The following DYNC1I1 variants were observed in gnomAD, a reference collection of about 807,000 sequenced individuals.
DYNC1I1 encodes the protein cytoplasmic dynein 1 intermediate chain 1.
A neutral mutation model predicts 86.6 loss-of-function variants in DYNC1I1; 43 were observed. The ratio of observed to expected loss-of-function variants is 0.50; its 90% confidence interval spans 0.39 to 0.64. The LOEUF (loss-of-function observed/expected upper bound fraction) is 0.64, where lower values mean the gene tolerates loss of function less well. Ranked by LOEUF, DYNC1I1 falls within the 30% of genes least tolerant of loss-of-function variation. The probability of loss-of-function intolerance (pLI) is 0.00; values close to 1 mark genes in which losing one functional copy is unlikely to be tolerated. For synonymous variants in DYNC1I1, 262 were observed against 283.7 expected, an observed-to-expected ratio of 0.92 and a Z score of 0.77; for missense variants, 604 against 788.8, an observed-to-expected ratio of 0.77 and a Z score of 2.81.
intron 1 of DYNC1I1, among the ~76,000 whole-genome samples, chr7:95,776,142 G>A (rs551245851): frequency 6.6e-5 from 10 of 152,230 alleles, no homozygotes; most frequent in South Asian, 2.1e-4. Flanking sequence ...GCAGTGAGAC[G>A]AGATTGCACC....
chr7:95,815,112 C>T (rs946696960), intron 4 of DYNC1I1, among the ~76,000 whole-genome samples: 1 of 152,084 alleles, frequency 6.6e-6, no homozygotes, highest in Admixed American at 6.6e-5. Flanking sequence ...TTACTGACTT[C>T]ACAGTTGAGG....
intron 6 of DYNC1I1, among the ~76,000 whole-genome samples, chr7:95,912,909 T>C (rs1791375872): frequency 6.6e-6 from 1 of 152,062 alleles, no homozygotes; most frequent in Non-Finnish European, 1.5e-5. Flanking sequence ...AGTGGATTGG[T>C]TTCATGCATC....
chr7:95,891,432 A>C (rs1276493431), intron 6 of DYNC1I1, among the ~76,000 whole-genome samples: 2 of 152,092 alleles, frequency 1.3e-5, no homozygotes, highest in Non-Finnish European at 2.9e-5. Context: ...AGTAAAATGC[A>C]CTCTTAACCT....
At chr7:95,992,343 A>T (rs1285055791) in intron 9 of DYNC1I1, among the ~76,000 whole-genome samples, 1 of 152,162 alleles carries the variant, frequency 6.6e-6, no homozygotes, top group Non-Finnish European at 1.5e-5. Context: ...ATGGTGCCTT[A>T]CATATTTATA....
At chr7:95,957,648 C>G (rs1283779753) in intron 6 of DYNC1I1, among the ~76,000 whole-genome samples, 1 of 152,154 alleles carries the variant, frequency 6.6e-6, no homozygotes, top group Non-Finnish European at 1.5e-5. Flanking sequence ...CTGGAGATGT[C>G]AGGATTGGGG....
intron 14 of DYNC1I1, among the ~76,000 whole-genome samples, chr7:96,059,837 G>GCAA (rs201922832): frequency 4.0e-4 from 61 of 152,206 alleles, no homozygotes; most frequent in African/African-American, 1.3e-3. Flanking sequence ...CTTCATGCCT[G>GCAA]CAACAACAAC....
intron 2 of DYNC1I1, among the ~76,000 whole-genome samples, chr7:95,809,939 CATAA>C (rs1794790182): frequency 6.6e-6 from 1 of 152,100 alleles, no homozygotes; most frequent in Non-Finnish European, 1.5e-5. Flanking sequence ...TAAAAATTTT[CATAA>C]ATAGTTTCAC....
At chr7:95,861,301 T>G (rs896281504) in intron 5 of DYNC1I1, among the ~76,000 whole-genome samples, 2 of 152,214 alleles carry the variant, frequency 1.3e-5, no homozygotes, top group African/African-American at 4.8e-5. Context: ...ATCTCAAGAA[T>G]TTCTTCAATT....
At chr7:95,788,645 C>T (rs1424430955) in intron 1 of DYNC1I1, among the ~76,000 whole-genome samples, 1 of 152,124 alleles carries the variant, frequency 6.6e-6, no homozygotes, top group Non-Finnish European at 1.5e-5. Context: ...AAAACTTCAT[C>T]CCCGTTTTTG....
At chr7:96,104,201 G>T (rs914780091) in intron 16 of DYNC1I1, among the ~76,000 whole-genome samples, 2 of 151,970 alleles carry the variant, frequency 1.3e-5, no homozygotes, top group Admixed American at 6.6e-5. Flanking sequence ...TAATTTAGAA[G>T]AGTTTTCTTT....
intron 4 of DYNC1I1, among the ~76,000 whole-genome samples, chr7:95,818,322 T>A (rs1294682187): frequency 1.3e-5 from 2 of 149,426 alleles, no homozygotes. Context: ...TTTTTTTTTT[T>A]AAAGACAAAG....
Position 95,977,547 on chromosome 7 carries a change from G to A in DYNC1I1, c.526G>A (p.Val176Ile), listed in dbSNP as rs1562961395. ...AGATGAGGAAATGGTGGAATCTAAAGTTGGCCAGGACTCAGAACTGGAAAA... is the reference window on the plus strand; with the variant it reads ...AGATGAGGAAATGGTGGAATCTAAAATTGGCCAGGACTCAGAACTGGAAAA... ...EEDEEMVESK[V>I]GQDSELENQD... Residue 176 changes from valine to isoleucine, a missense_variant, in exon 7 of 17, where the codon GTT becomes ATT. Val to Ile is a conservative substitution (Grantham distance 29). Coordinates refer to ENST00000447467, the MANE Select transcript of DYNC1I1 (RefSeq NM_001135556.2). The A allele has an allele frequency of 1.2e-6, 2 of 1,613,408 alleles. No homozygotes were observed. Among genetic ancestry groups the A allele is most frequent in the East Asian group, 2.2e-5 (1 of 44,836 alleles).
Position 95,890,068 on chromosome 7 carries a change from A to C in DYNC1I1, c.490+20070A>C, listed in dbSNP as rs562179369. ...TGAAATAGCGAAAAACAGAACTACC[A>C]TTCAATCCCCTTACTGATATATCTG... On this transcript the variant is annotated intron_variant, in intron 6 of 16. Coordinates refer to ENST00000447467, the MANE Select transcript of DYNC1I1 (RefSeq NM_001135556.2). Among the ~76,000 whole-genome samples the C allele has an allele frequency of 1.9e-4, 29 of 152,294 alleles. 1 individual carries two copies. In the South Asian group the frequency reaches 6.0e-3, roughly 32 times the overall value.
intron 10 of DYNC1I1, 76 bp from the exon 11 acceptor site, chr7:96,028,099 C>A: frequency 6.5e-7 from 1 of 1,547,640 alleles, no homozygotes; most frequent in South Asian, 1.2e-5. Flanking sequence ...ATGTGATGAA[C>A]TGTTTTCAGG....
At position 95,839,934 on chromosome 7, in the gene DYNC1I1, C is replaced by T. The variant is rs986878466; in HGVS notation, c.374+11818C>T. On this transcript the variant is annotated intron_variant, in intron 5 of 16. Transcript: ENST00000447467. Reference sequence around the variant, plus strand: ...GCCTGCATGATTTCTATTGAAAAATCGGCTTATAGTCTTATGAGGGTTCTC... The same window carrying T: ...GCCTGCATGATTTCTATTGAAAAATTGGCTTATAGTCTTATGAGGGTTCTC... Among the ~76,000 whole-genome samples, 6 of 152,118 alleles carry T rather than the reference C, an allele frequency of 3.9e-5. No homozygotes were observed. In the South Asian group the frequency reaches 6.2e-4, roughly 16 times the overall value.
rs1027323603 is a variant in DYNC1I1 at position 95,800,249 on chromosome 7, G to A, written c.-9-4472G>A. 5.9e-5 allele frequency among the ~76,000 whole-genome samples: 9 copies of A among 151,952 alleles called. No homozygotes were observed. The South Asian group carries it at 1.7e-3, about 28-fold the overall frequency. ...AATGTAGCAGGCTCTAGGGATTTGT[G>A]TATGGAGTCTAGGGTAAATGTAGTA... On this transcript the variant is annotated intron_variant, in intron 1 of 16. Transcript: ENST00000447467.
chr7:95,892,411 C>T (rs572088117), intron 6 of DYNC1I1, among the ~76,000 whole-genome samples: 8 of 151,634 alleles, frequency 5.3e-5, no homozygotes, highest in Non-Finnish European at 8.8e-5. Context: ...CCCGGGTTCA[C>T]GCCATTCTCC....
chr7:95,954,939 G>A (rs1474467767), intron 6 of DYNC1I1, among the ~76,000 whole-genome samples: 140 of 87,404 alleles, frequency 1.6e-3, no homozygotes, highest in African/African-American at 3.8e-3. Flanking sequence ...AAAAAAAAAA[G>A]ATATATGGAC....
intron 16 of DYNC1I1, among the ~76,000 whole-genome samples, chr7:96,084,816 C>T (rs919263705): frequency 2.6e-5 from 4 of 152,130 alleles, no homozygotes; most frequent in South Asian, 2.1e-4. Context: ...GAGCTAAAGC[C>T]GTACTGGAGA....
Sources: gnomAD v4.1 joint callset for allele counts (sites outside exome capture counted in the v4.1 genomes callset) on GRCh38, gnomAD v4.1.1 for gene constraint, MANE v1.5 for transcripts, NCBI Gene and HGNC (gene_info 2026-07-23, HGNC 2026-07-21) for gene names.